Variants in TAF6 observed in about 807,000 individuals in gnomAD.
TAF6 encodes transcription initiation factor TFIID subunit 6.
Under a neutral mutation model 73.5 loss-of-function variants are expected in TAF6, and 50 were observed. The ratio of observed to expected loss-of-function variants is 0.68; its 90% confidence interval spans 0.54 to 0.86. The LOEUF is 0.86. Ranked by LOEUF, TAF6 falls within the 40% of genes least tolerant of loss-of-function variation. The probability of loss-of-function intolerance (pLI) is 0.00; values close to 1 mark genes in which losing one functional copy is unlikely to be tolerated. For missense variants in TAF6, 768 were observed against 899.5 expected (o/e 0.85, Z 1.87); for synonymous variants, 424 against 376.7 (o/e 1.13, Z -1.45).
At chr7:100,119,716 C>G, upstream of TAF6, 3 of 1,613,934 alleles carry the variant, frequency 1.9e-6, no homozygotes, top group Middle Eastern at 1.7e-4. Flanking sequence ...TGAAGGCAAG[C>G]GGTGATTGTT....
chr7:100,117,643 G>A (rs1163365233), intron 1 of TAF6, among the ~76,000 whole-genome samples: 1 of 152,094 alleles, frequency 6.6e-6, no homozygotes, highest in African/African-American at 2.4e-5. Context: ...TATTTGTGAA[G>A]TAAATGAATT....
intron 12 of TAF6, among the ~76,000 whole-genome samples, chr7:100,109,493 T>C (rs1796958970): frequency 6.6e-6 from 1 of 151,994 alleles, no homozygotes; most frequent in African/African-American, 2.4e-5. Context: ...AGGCTGAGCG[T>C]GTTAAACCCT....
rs1371011381 is a variant in TAF6, at chr7:100,107,177, T to C, written c.*69A>G. 2 of 1,516,818 alleles carry C rather than the reference T, an allele frequency of 1.3e-6. No individual in the cohort carries two copies. Among genetic ancestry groups the C allele is most frequent in the Non-Finnish European group, 1.8e-6 (2 of 1,134,996 alleles). The allele number at this position is 1,516,818 out of a possible 1,614,324, so 94.0% of individuals were successfully genotyped here. On this transcript the variant is annotated 3_prime_UTR_variant, in exon 15 of 15. Transcript: ENST00000453269. The stretch of plus-strand genomic sequence containing the variant: ...ACAACTTCCTTCCGCTTAGCGAGCA[T>C]GCATGTGTGTACGTGCACGTGTGTA...
rs1219965698 is a variant in TAF6, at chr7:100,109,808, C to A, written c.1284+140G>T. On this transcript the variant is annotated intron_variant, in intron 12 of 14. Transcript: ENST00000453269. ...CTCAGTCTAATCTCAGTCTTTCCAT[C>A]TGTAAAATAGTATCAGACTCTGCAA... The A allele has an allele frequency of 3.8e-6, 5 of 1,315,442 alleles. No individual in the cohort carries two copies. In the African/African-American group the frequency reaches 5.9e-5, roughly 16 times the overall value. The allele number at this position is 1,315,442 out of a possible 1,614,324, so 81.5% of individuals were successfully genotyped here.
chr7:100,113,380 G>T lies in TAF6; in HGVS notation c.423C>A (p.Cys141Ter), dbSNP rs1447632701. ...GCGGGTTCTCGGGGATAGCTGGCTG[G>T]CAGCCCTCGATGCTCAGCCAATGAG... ...LKAHWLSIEG[C>*]QPAIPENPPP... is the part of the protein sequence containing the mutation. The change falls in exon 5 of 15, where the codon TGC becomes TGA. Residue 141 changes from cysteine (C) to a stop codon, truncating the protein, a stop_gained. Coordinates refer to ENST00000453269, the MANE Select transcript of TAF6 (RefSeq NM_139315.3). LOFTEE classifies it high-confidence loss of function. 6.3e-7 allele frequency: 1 copy of T among 1,596,016 alleles called. No homozygotes were observed. The highest frequency in any genetic ancestry group is 1.4e-5 in the African/African-American group (1 of 74,014).
intron 11 of TAF6, 39 bp downstream of exon 11, chr7:100,110,161 T>TG (rs757728386): frequency 5.0e-6 from 8 of 1,614,098 alleles, no homozygotes; most frequent in Non-Finnish European, 6.8e-6. Context: ...ACCTCATGAC[T>TG]GTGTCCCCTC....
the TAF6 span, chr7:100,125,640 TACACAC>T: frequency 6.6e-6 from 1 of 150,952 alleles, no homozygotes; most frequent in Admixed American, 6.6e-5. Flanking sequence ...ACCCCAATTC[TACACAC>T]ACACACACAC....
At chr7:100,119,655 T>G, upstream of TAF6, 2 of 1,610,436 alleles carry the variant, frequency 1.2e-6, no homozygotes, top group Non-Finnish European at 1.7e-6. Flanking sequence ...GGATTTAAGG[T>G]TGCCGCTAGC....
intron 1 of TAF6, among the ~76,000 whole-genome samples, chr7:100,117,416 C>T (rs530688662): frequency 1.6e-4 from 24 of 151,790 alleles, no homozygotes; most frequent in African/African-American, 5.5e-4. Context: ...GGATTACAGG[C>T]ATGCGCCACC....
At chr7:100,125,585 C>T in the TAF6 span, 2 of 152,150 alleles carry the variant, frequency 1.3e-5, no homozygotes, top group Non-Finnish European at 1.5e-5. Context: ...CCAGAATGGC[C>T]GCTGTCTTGT....
chr7:100,126,490 G>A, the TAF6 span, among the ~76,000 whole-genome samples: 1 of 151,864 alleles, frequency 6.6e-6, no homozygotes, highest in Non-Finnish European at 1.5e-5. Context: ...GCGACAGGGC[G>A]AGACTGTCTC....
rs1181165298 is a variant in TAF6 at position 100,117,267 on chromosome 7, C to CTT, written c.-60+1935_-60+1936dup. Among the ~76,000 whole-genome samples the CTT allele has an allele frequency of 1.6e-3, 172 of 105,008 alleles. 1 individual carries two copies. The highest frequency in any genetic ancestry group is 2.8e-3 in the South Asian group (8 of 2,824). 68.9% of individuals were successfully genotyped at this position (105,008 alleles called of 152,430 possible). On this transcript the variant is annotated intron_variant, in intron 1 of 14. Transcript: ENST00000453269. ...CTCCGTCCACCATCTAGACAGGGCT[C>CTT]TTTTTTTTTTTTTTTTTTTTTGAGC...
chr7:100,108,715 A>G (rs1213373413), intron 12 of TAF6, 175 bp from the exon 13 acceptor site: 3 of 615,326 alleles, frequency 4.9e-6, no homozygotes, highest in Non-Finnish European at 8.2e-6. Flanking sequence ...GTGTGTGTAC[A>G]GAACACTGTG....
Position 100,107,917 on chromosome 7 carries a change from T to G in TAF6, c.1656+9A>C. On this transcript the variant is annotated intron_variant, in intron 14 of 14. Transcript: ENST00000453269. Reference sequence around the variant, plus strand: ...CTCCAGATGCTCCCTGTCCCACAGCTCTGCATACCTGCTGGGTGGATGGGG... The same window carrying G: ...CTCCAGATGCTCCCTGTCCCACAGCGCTGCATACCTGCTGGGTGGATGGGG... 6.3e-7 allele frequency: 1 copy of G among 1,599,758 alleles called. No individual in the cohort carries two copies. The highest frequency in any genetic ancestry group is 8.5e-7 in the Non-Finnish European group (1 of 1,171,474).
chr7:100,113,004 C>G (rs974600390), intron 5 of TAF6, 87 bp from the exon 6 acceptor site: 2 of 1,519,010 alleles, frequency 1.3e-6, no homozygotes, highest in Non-Finnish European at 1.8e-6. Context: ...GTGGCTCATG[C>G]CTGTAATCCC....
chr7:100,113,334 G>C lies in TAF6; in HGVS notation c.454+15C>G. 1 of 1,577,522 alleles carries C rather than the reference G, an allele frequency of 6.3e-7. No individual in the cohort carries two copies. ...AAGGGACCCAGAGACCCAGAGGGTG[G>C]GGCATGGAGGTTACCTGGGGGCGGG... On this transcript the variant is annotated intron_variant, in intron 5 of 14. Coordinates refer to ENST00000453269, the MANE Select transcript of TAF6 (RefSeq NM_139315.3).
chr7:100,123,407 AACTGTAATGCTAGC>A (rs1406816700), upstream of TAF6, among the ~76,000 whole-genome samples: 2 of 152,036 alleles, frequency 1.3e-5, no homozygotes, highest in African/African-American at 4.8e-5. Flanking sequence ...AGTGGCTCAC[AACTGTAATGCTAGC>A]ACTTAGTGAG....
chr7:100,123,376 A>AAATCATAAT (rs1798123449), upstream of TAF6, among the ~76,000 whole-genome samples: 5 of 151,876 alleles, frequency 3.3e-5, no homozygotes, highest in Admixed American at 3.3e-4. Context: ...AAAAAAAAAG[A>AAATCATAAT]AATCATAATG....
chr7:100,107,116 A>G lies in TAF6; in HGVS notation c.*130T>C, dbSNP rs138231006. 213 of 1,367,264 alleles carry G rather than the reference A, an allele frequency of 1.6e-4. No homozygotes were observed. Among genetic ancestry groups the G allele is most frequent in the African/African-American group, 1.5e-3 (104 of 68,788 alleles). 84.7% of individuals were successfully genotyped at this position (1,367,264 alleles called of 1,614,324 possible). A position where few individuals can be genotyped will look rare whatever the true frequency, so the allele number is the denominator to read the frequency against. On this transcript the variant is annotated 3_prime_UTR_variant, in exon 15 of 15. Coordinates refer to ENST00000453269, the MANE Select transcript of TAF6 (RefSeq NM_139315.3). ...TTTATTCTGAGAAACTGGCTGTACA[A>G]TATCTAAAAAGAAAGTGACATGAAG...
Sources: gnomAD v4.1 joint callset for allele counts (sites outside exome capture counted in the v4.1 genomes callset) on GRCh38, gnomAD v4.1.1 for gene constraint, MANE v1.5 for transcripts, NCBI Gene and HGNC (gene_info 2026-07-23, HGNC 2026-07-21) for gene names.